Variants in EXOC6B observed in about 807,000 individuals in gnomAD.
EXOC6B encodes exocyst complex component 6B, also known as SEC15 homolog B.
EXOC6B carries 54 observed loss-of-function variants against 113.5 expected under a neutral mutation model. The ratio of observed to expected loss-of-function variants is 0.48; its 90% CI spans 0.38 to 0.60. EXOC6B has a LOEUF of 0.60. EXOC6B is among the 20% of genes least tolerant of loss of function. The probability of loss-of-function intolerance (pLI) is 0.00; values close to 1 mark genes in which losing one functional copy is unlikely to be tolerated. For synonymous variants in EXOC6B, 357 were observed against 339.0 expected, an observed-to-expected ratio of 1.05 and a Z score of -0.58; for missense variants, 797 against 977.5, an observed-to-expected ratio of 0.82 and a Z score of 2.46.
At chr2:72,773,446 A>AC (rs1683519989) in intron 1 of EXOC6B, among the ~76,000 whole-genome samples, 2 of 146,586 alleles carry the variant, frequency 1.4e-5, no homozygotes, top group South Asian at 4.3e-4. Flanking sequence ...AAGTTTTCTC[A>AC]CCAAAAAAAA....
chr2:72,185,741 T>TTTC (rs1435797620), intron 20 of EXOC6B, among the ~76,000 whole-genome samples: 2 of 49,472 alleles, frequency 4.0e-5, no homozygotes, highest in Admixed American at 1.7e-4. Context: ...TATTTCTTTC[T>TTTC]TTTTTTTTTT....
chr2:72,404,017 T>G (rs771724009), intron 18 of EXOC6B, among the ~76,000 whole-genome samples: 3 of 152,178 alleles, frequency 2.0e-5, no homozygotes, highest in Non-Finnish European at 2.9e-5. Flanking sequence ...ACCCTAATAC[T>G]GCGATTTTCC....
At chr2:72,448,410 T>A (rs145369731) in intron 18 of EXOC6B, among the ~76,000 whole-genome samples, 1 of 152,336 alleles carries the variant, frequency 6.6e-6, no homozygotes, top group East Asian at 1.9e-4. Context: ...ACTTATAATA[T>A]AGGTAATATC....
intron 1 of EXOC6B, among the ~76,000 whole-genome samples, chr2:72,745,627 A>G (rs1362195125): frequency 6.6e-6 from 1 of 152,114 alleles, no homozygotes; most frequent in African/African-American, 2.4e-5. Context: ...TTAAGAAAAA[A>G]AGTTTCCAAT....
intron 6 of EXOC6B, among the ~76,000 whole-genome samples, chr2:72,653,087 C>T (rs1323236217): frequency 6.6e-6 from 1 of 151,828 alleles, no homozygotes; most frequent in Non-Finnish European, 1.5e-5. Flanking sequence ...AATCATGCTG[C>T]TATAAAGACA....
intron 18 of EXOC6B, among the ~76,000 whole-genome samples, chr2:72,403,101 T>G (rs1358055121): frequency 3.3e-5 from 5 of 152,174 alleles, no homozygotes; most frequent in Admixed American, 3.3e-4. Flanking sequence ...TTACCTCAGG[T>G]GAAAGATTAG....
intron 6 of EXOC6B, among the ~76,000 whole-genome samples, chr2:72,616,390 T>C (rs1208955083): frequency 6.6e-6 from 1 of 152,174 alleles, no homozygotes; most frequent in Non-Finnish European, 1.5e-5. Flanking sequence ...ACTACTAAGC[T>C]ATAGTAACCA....
chr2:72,371,739 A>T (rs879522360), intron 19 of EXOC6B, among the ~76,000 whole-genome samples: 1 of 152,212 alleles, frequency 6.6e-6, no homozygotes, highest in Non-Finnish European at 1.5e-5. Flanking sequence ...TGAATGGAGA[A>T]AAACCAAAAG....
intron 16 of EXOC6B, 39 bp from the exon 17 acceptor site, chr2:72,480,789 C>T (rs1481917604): frequency 1.9e-6 from 3 of 1,572,300 alleles, no homozygotes; most frequent in Non-Finnish European, 2.6e-6. Context: ...CATTTAACTA[C>T]TCACCCCAGG....
At chr2:72,519,515 A>T (rs1273584387) in intron 8 of EXOC6B, among the ~76,000 whole-genome samples, 4 of 152,202 alleles carry the variant, frequency 2.6e-5, no homozygotes, top group African/African-American at 9.6e-5. Context: ...ATGAATCAAC[A>T]AGATATATTA....
chr2:72,233,991 G>A (rs551635756), intron 20 of EXOC6B, among the ~76,000 whole-genome samples: 11 of 151,754 alleles, frequency 7.2e-5, no homozygotes, highest in Non-Finnish European at 1.0e-4. Context: ...CCCATCCACC[G>A]GACACTGGTA....
intron 6 of EXOC6B, among the ~76,000 whole-genome samples, chr2:72,657,133 G>A (rs959340153): frequency 1.3e-5 from 2 of 151,882 alleles, no homozygotes; most frequent in Non-Finnish European, 2.9e-5. Context: ...TTACAGGTGT[G>A]AGCCACCGTG....
At chr2:72,446,669 G>A (rs1222432407) in intron 18 of EXOC6B, among the ~76,000 whole-genome samples, 1 of 152,060 alleles carries the variant, frequency 6.6e-6, no homozygotes, top group East Asian at 1.9e-4. Context: ...TAACTACTGG[G>A]TACTAGGCTT....
At chr2:72,521,926 GACCTTGTGATCC>G (rs1330217319) in intron 8 of EXOC6B, among the ~76,000 whole-genome samples, 3 of 152,160 alleles carry the variant, frequency 2.0e-5, no homozygotes. Flanking sequence ...TCAATCTCGT[GACCTTGTGATCC>G]ACCTGCCTTG....
chr2:72,403,784 G>C (rs1289094780), intron 18 of EXOC6B, among the ~76,000 whole-genome samples: 1 of 152,164 alleles, frequency 6.6e-6, no homozygotes, highest in Non-Finnish European at 1.5e-5. Flanking sequence ...CAGCGTGAGC[G>C]ACGCATAAGA....
At chr2:72,591,871 T>C (rs1040515791) in intron 6 of EXOC6B, among the ~76,000 whole-genome samples, 2 of 152,082 alleles carry the variant, frequency 1.3e-5, no homozygotes, top group African/African-American at 2.4e-5. Flanking sequence ...TGTCTGCTAA[T>C]AGGGAATCAT....
At chr2:72,456,294 A>G (rs1697228690) in intron 18 of EXOC6B, among the ~76,000 whole-genome samples, 1 of 152,160 alleles carries the variant, frequency 6.6e-6, no homozygotes, top group African/African-American at 2.4e-5. Flanking sequence ...ATTATCTCAA[A>G]ATAATAGCTT....
chr2:72,516,258 A>AT (rs1414935667), intron 8 of EXOC6B, among the ~76,000 whole-genome samples: 8 of 151,666 alleles, frequency 5.3e-5, no homozygotes, highest in South Asian at 2.1e-4. Context: ...TTTTACTTTT[A>AT]TTTTTTTTGA....
chr2:72,646,592 C>T (rs1673733061), intron 6 of EXOC6B, among the ~76,000 whole-genome samples: 2 of 152,118 alleles, frequency 1.3e-5, no homozygotes, highest in African/African-American at 4.8e-5. Context: ...CATCAAAAAG[C>T]TTATCCACCA....
Sources: gnomAD v4.1 joint callset for allele counts (sites outside exome capture counted in the v4.1 genomes callset) on GRCh38, gnomAD v4.1.1 for gene constraint, MANE v1.5 for transcripts, NCBI Gene and HGNC (gene_info 2026-07-23, HGNC 2026-07-21) for gene names.